The following JPH4 variants were observed in gnomAD, a reference collection of about 807,000 sequenced individuals.
JPH4 encodes the protein junctophilin-4.
Under a neutral mutation model 57.6 loss-of-function variants are expected in JPH4, and 18 were observed. The observed-to-expected ratio is 0.31, with a 90% CI of 0.22 to 0.46. The LOEUF (loss-of-function observed/expected upper bound fraction) is 0.46, where lower values mean the gene tolerates loss of function less well. JPH4 is among the 20% of genes least tolerant of loss of function. The probability of loss-of-function intolerance (pLI) is 1.00; values close to 1 mark genes in which losing one functional copy is unlikely to be tolerated. For missense variants in JPH4, 727 were observed against 911.1 expected (o/e 0.80, Z 2.60); for synonymous variants, 425 against 406.6 (o/e 1.05, Z -0.54).
chr14:23,571,728 C>T lies in JPH4; in HGVS notation c.1270+74G>A. The T allele has an allele frequency of 7.3e-7, 1 of 1,370,892 alleles. No individual in the cohort carries two copies. Among genetic ancestry groups the T allele is most frequent in the Non-Finnish European group, 1.0e-6 (1 of 977,384 alleles). 84.9% of individuals were successfully genotyped at this position (1,370,892 alleles called of 1,614,324 possible). On this transcript the variant is annotated intron_variant, in intron 4 of 5. Coordinates refer to ENST00000356300, the MANE Select transcript of JPH4 (RefSeq NM_001146028.2). The surrounding 1 kb of genome is among the most constrained non-coding windows in gnomAD (Gnocchi z 4.6). ...CCACTTCCCTTGCAGGGCTTCTCAT[C>T]TGTTTCCCCACACCTGAGCCTCTCT...
rs1290584337 is a variant in JPH4, at chr14:23,571,608, C to T, written c.1271-148G>A. The T allele has an allele frequency of 1.8e-6, 2 of 1,105,094 alleles. No homozygotes were observed. The highest frequency in any genetic ancestry group is 1.6e-5 in the African/African-American group (1 of 64,030). 68.5% of individuals were successfully genotyped at this position (1,105,094 alleles called of 1,614,324 possible). A position where few individuals can be genotyped will look rare whatever the true frequency, so the allele number is the denominator to read the frequency against. ...GCCAGACCCCAAACCCCCCATTATC[C>T]TACTGCATACATTCCCAAGTCCCAC... On this transcript the variant is annotated intron_variant, in intron 4 of 5. Transcript: ENST00000356300. The surrounding 1 kb of genome is among the most constrained non-coding windows in gnomAD (Gnocchi z 4.6).
In JPH4 at chr14:23,569,592, A is replaced by G. The variant is rs1169845620; in HGVS notation, c.*42T>C. The stretch of plus-strand genomic sequence containing the variant: ...GAAAAAAGGCAGGTCAAAGGGGTGA[A>G]GAGGCACGCAACCAAAGCCAGAACC... On this transcript the variant is annotated 3_prime_UTR_variant, in exon 6 of 6. Coordinates refer to ENST00000356300, the MANE Select transcript of JPH4 (RefSeq NM_001146028.2). The surrounding 1 kb of genome is among the most constrained non-coding windows in gnomAD (Gnocchi z 4.8). The G allele has an allele frequency of 1.4e-6, 2 of 1,384,538 alleles. No homozygotes were observed. Among genetic ancestry groups the G allele is most frequent in the East Asian group, 2.5e-5 (1 of 40,130 alleles). 85.8% of individuals were successfully genotyped at this position (1,384,538 alleles called of 1,614,324 possible). A position where few individuals can be genotyped will look rare whatever the true frequency, so the allele number is the denominator to read the frequency against.
Position 23,568,497 on chromosome 14 carries a change from G to A in JPH4, c.*1137C>T. 1.0e-6 allele frequency: 1 copy of A among 985,796 alleles called. No homozygotes were observed. 61.1% of individuals were successfully genotyped at this position (985,796 alleles called of 1,614,324 possible). A position where few individuals can be genotyped will look rare whatever the true frequency, so the allele number is the denominator to read the frequency against. ...TCTGCCCTGCCTGGGAAGCATGTGAGATCAGCTATCTTTGATCCCCTCCTT... is the reference window on the plus strand; with the variant it reads ...TCTGCCCTGCCTGGGAAGCATGTGAAATCAGCTATCTTTGATCCCCTCCTT... On this transcript the variant is annotated 3_prime_UTR_variant, in exon 6 of 6. Transcript: ENST00000356300.
At chr14:23,572,388 T>C (rs1160787493) in intron 3 of JPH4, among the ~76,000 whole-genome samples, 2 of 151,766 alleles carry the variant, frequency 1.3e-5, no homozygotes, top group Admixed American at 6.6e-5. Context: ...CTCACCCCCC[T>C]GGAGTCACAG....
At position 23,568,500 on chromosome 14, in the gene JPH4, C is replaced by T. The variant is rs1382866252; in HGVS notation, c.*1134G>A. 2.2e-5 allele frequency: 22 copies of T among 985,682 alleles called. No homozygotes were observed. The highest frequency in any genetic ancestry group is 6.1e-5 in the Admixed American group (1 of 16,282). The allele number at this position is 985,682 out of a possible 1,614,324, so 61.1% of individuals were successfully genotyped here. ...GCCCTGCCTGGGAAGCATGTGAGAT[C>T]AGCTATCTTTGATCCCCTCCTTCTG... is the stretch of plus-strand genomic sequence containing the variant. On this transcript the variant is annotated 3_prime_UTR_variant, in exon 6 of 6. Transcript: ENST00000356300.
Position 23,575,796 on chromosome 14 carries a change from A to T in JPH4, c.1040T>A (p.Leu347Gln). The T allele has an allele frequency of 6.3e-7, 1 of 1,592,088 alleles. No homozygotes were observed. The highest frequency in any genetic ancestry group is 8.5e-7 in the Non-Finnish European group (1 of 1,171,172). Residue 347 changes from leucine (L) to glutamine (Q), a missense_variant, in exon 3 of 6, where the codon CTG (leucine) becomes CAG (glutamine). By Grantham distance (113) the Leu-to-Gln change is moderately radical. Around this residue, in one of 7 missense-constraint regions of JPH4, gnomAD observed 112 missense variants for 199.4 expected, o/e 0.56. Coordinates refer to ENST00000356300, the MANE Select transcript of JPH4 (RefSeq NM_001146028.2). This position sits in a 1 kb window ranked among gnomAD's most constrained non-coding sequence, Gnocchi z 6.9. ...LVHGGRVRSLLPLALRRGKVK... is the reference protein window; with the variant it reads ...LVHGGRVRSLQPLALRRGKVK... Reference sequence around the variant, plus strand: ...CTTGCCCCGCCGAAGGGCCAGAGGCAGGAGACTGCGGACGCGCCCGCCGTG... The same window carrying T: ...CTTGCCCCGCCGAAGGGCCAGAGGCTGGAGACTGCGGACGCGCCCGCCGTG...
At chr14:23,570,899 G>C (rs1889117090) in intron 5 of JPH4, 29 bp downstream of exon 5, 3 of 1,488,020 alleles carry the variant, frequency 2.0e-6, no homozygotes, top group Non-Finnish European at 2.7e-6. Flanking sequence ...TGGGAGAAGA[G>C]GGCACACAGC....
chr14:23,568,060 A>T lies in JPH4; in HGVS notation c.*1574T>A. 1.0e-6 allele frequency: 1 copy of T among 983,324 alleles called. No individual in the cohort carries two copies. Among genetic ancestry groups the T allele is most frequent in the East Asian group, 1.1e-4 (1 of 8,812 alleles). 60.9% of individuals were successfully genotyped at this position (983,324 alleles called of 1,614,324 possible). ...CCCTTTTTTGAACTTTTTTATTAATATATTTTTTTTGTTAAATTTCTTTGT... is the reference window on the plus strand; with the variant it reads ...CCCTTTTTTGAACTTTTTTATTAATTTATTTTTTTTGTTAAATTTCTTTGT... On this transcript the variant is annotated 3_prime_UTR_variant, in exon 6 of 6. Coordinates refer to ENST00000356300, the MANE Select transcript of JPH4 (RefSeq NM_001146028.2).
In JPH4 at chr14:23,576,494, G is replaced by T. The variant is rs780605157; in HGVS notation, c.380-38C>A. 2 of 1,365,350 alleles carry T rather than the reference G, an allele frequency of 1.5e-6. No homozygotes were observed. Among genetic ancestry groups the T allele is most frequent in the Non-Finnish European group, 1.9e-6 (2 of 1,063,816 alleles). The allele number at this position is 1,365,350 out of a possible 1,614,324, so 84.6% of individuals were successfully genotyped here. A position where few individuals can be genotyped will look rare whatever the true frequency, so the allele number is the denominator to read the frequency against. On this transcript the variant is annotated intron_variant, in intron 2 of 5. Coordinates refer to ENST00000356300, the MANE Select transcript of JPH4 (RefSeq NM_001146028.2). The surrounding 1 kb of genome is among the most constrained non-coding windows in gnomAD (Gnocchi z 8.0). ...GAGGGGTGGGAGAAAGAGTCAGGAC[G>T]TGCCGCTGGGCTCCTTGCGCCCCAA...
chr14:23,573,968 ACG>A (rs1491403971), intron 3 of JPH4, among the ~76,000 whole-genome samples: 55 of 151,070 alleles, frequency 3.6e-4, no homozygotes, highest in African/African-American at 1.3e-3. Context: ...ACACACACAC[ACG>A]CACTCTCACT....
intron 3 of JPH4, among the ~76,000 whole-genome samples, chr14:23,572,423 G>C (rs573861610): frequency 1.3e-5 from 2 of 151,854 alleles, no homozygotes; most frequent in South Asian, 4.2e-4. Flanking sequence ...TCTAGCACAG[G>C]GTCCTGTACC....
chr14:23,572,275 G>T (rs138384072), intron 3 of JPH4, among the ~76,000 whole-genome samples: 1 of 151,862 alleles, frequency 6.6e-6, no homozygotes, highest in Non-Finnish European at 1.5e-5. Context: ...AGTGACAGTC[G>T]AGACCTCACT....
At position 23,571,782 on chromosome 14, in the gene JPH4, C is replaced by G. The variant is rs752238826; in HGVS notation, c.1270+20G>C. The stretch of plus-strand genomic sequence containing the variant: ...TCCCTAGGGGCCTCACTGCCCTCCC[C>G]CCAGCTGTCCATGCCTCACCTGGGG... On this transcript the variant is annotated intron_variant, in intron 4 of 5. Coordinates refer to ENST00000356300, the MANE Select transcript of JPH4 (RefSeq NM_001146028.2). This position sits in a 1 kb window ranked among gnomAD's most constrained non-coding sequence, Gnocchi z 4.6. 11 of 1,605,524 alleles carry G rather than the reference C, an allele frequency of 6.9e-6. No homozygotes were observed. Among genetic ancestry groups the G allele is most frequent in the South Asian group, 1.1e-5 (1 of 90,980 alleles).
chr14:23,576,477 G>T lies in JPH4; in HGVS notation c.380-21C>A. The T allele has an allele frequency of 1.4e-6, 2 of 1,393,128 alleles. No homozygotes were observed. Among genetic ancestry groups the T allele is most frequent in the Non-Finnish European group, 1.8e-6 (2 of 1,082,922 alleles). 86.3% of individuals were successfully genotyped at this position (1,393,128 alleles called of 1,614,324 possible). A position where few individuals can be genotyped will look rare whatever the true frequency, so the allele number is the denominator to read the frequency against. On this transcript the variant is annotated intron_variant, in intron 2 of 5. Transcript: ENST00000356300. This position sits in a 1 kb window ranked among gnomAD's most constrained non-coding sequence, Gnocchi z 8.0. ...GGTGCCTGCGGGCGGCGGAGGGGTG[G>T]GAGAAAGAGTCAGGACGTGCCGCTG...
At position 23,576,137 on chromosome 14, in the gene JPH4, A is replaced by G; in HGVS notation, c.699T>C (p.Arg233=). The G allele has an allele frequency of 1.5e-6, 2 of 1,310,178 alleles. No individual in the cohort carries two copies. Among genetic ancestry groups the G allele is most frequent in the African/African-American group, 1.5e-5 (1 of 64,988 alleles). 81.2% of individuals were successfully genotyped at this position (1,310,178 alleles called of 1,614,324 possible). A position where few individuals can be genotyped will look rare whatever the true frequency, so the allele number is the denominator to read the frequency against. The part of the protein sequence containing the change: ...LLLSGLRAGG[R]RSSLGSKRGS... Reference sequence around the variant, plus strand: ...CTCGCTTGCTGCCCAGGGAGCTGCGACGTCCGCCCGCTCGGAGCCCGCTGA... The same window carrying G: ...CTCGCTTGCTGCCCAGGGAGCTGCGGCGTCCGCCCGCTCGGAGCCCGCTGA... Residue 233 remains arginine (R), a synonymous_variant, in exon 3 of 6, where the codon CGT becomes CGC. Transcript: ENST00000356300. The surrounding 1 kb of genome is among the most constrained non-coding windows in gnomAD (Gnocchi z 8.0).
At position 23,569,200 on chromosome 14, in the gene JPH4, C is replaced by A; in HGVS notation, c.*434G>T. ...GCCCGACATTCAATCACTCCTTCTT[C>A]ATTTTCTTCCTCCTCTCCATTCAGC... On this transcript the variant is annotated 3_prime_UTR_variant, in exon 6 of 6. Coordinates refer to ENST00000356300, the MANE Select transcript of JPH4 (RefSeq NM_001146028.2). This position sits in a 1 kb window ranked among gnomAD's most constrained non-coding sequence, Gnocchi z 4.8. The A allele has an allele frequency of 4.8e-6, 1 of 207,532 alleles. No homozygotes were observed. The allele number at this position is 207,532 out of a possible 1,614,324, so 12.9% of individuals were successfully genotyped here.
In JPH4 at chr14:23,576,948, C is replaced by T. The variant is rs950104191; in HGVS notation, c.379+127G>A. 7 of 1,157,662 alleles carry T rather than the reference C, an allele frequency of 6.0e-6. No homozygotes were observed. The African/African-American group carries it at 1.2e-4, about 19-fold the overall frequency. The allele number at this position is 1,157,662 out of a possible 1,614,324, so 71.7% of individuals were successfully genotyped here. On this transcript the variant is annotated intron_variant, in intron 2 of 5. Coordinates refer to ENST00000356300, the MANE Select transcript of JPH4 (RefSeq NM_001146028.2). This position sits in a 1 kb window ranked among gnomAD's most constrained non-coding sequence, Gnocchi z 8.0. Reference sequence around the variant, plus strand: ...AGCAGAAATTGGGGGCTGGGGGTCACATCGATGGGGAATGGTGGCGGGGGA... The same window carrying T: ...AGCAGAAATTGGGGGCTGGGGGTCATATCGATGGGGAATGGTGGCGGGGGA...
rs199929052 is a variant in JPH4 at position 23,571,234 on chromosome 14, C to A, written c.1497G>T (p.Trp499Cys). The A allele has an allele frequency of 1.6e-5, 25 of 1,611,768 alleles. No homozygotes were observed. Among genetic ancestry groups the A allele is most frequent in the Non-Finnish European group, 1.9e-5 (22 of 1,178,878 alleles). Residue 499 changes from tryptophan to cysteine, a missense_variant, in exon 5 of 6, where the codon TGG (tryptophan) becomes TGT (cysteine). Physicochemically the swap from Trp to Cys is radical, Grantham distance 215. Coordinates refer to ENST00000356300, the MANE Select transcript of JPH4 (RefSeq NM_001146028.2). The surrounding 1 kb of genome is among the most constrained non-coding windows in gnomAD (Gnocchi z 4.6). ...FSSPKAWPEE[W>C]GGAGAQAEEL... is the part of the protein sequence containing the mutation. ...CCTCTGCCTGTGCGCCTGCCCCCCC[C>A]CACTCCTCAGGCCAAGCTTTGGGGC...
rs1889002921 is a variant in JPH4 at position 23,569,345 on chromosome 14, CA to C, written c.*288del. ...GATTTGTGTGTCTCAGAGAAGACAG[CA>C]ACTCTGAGAGAGAAAAGCCCTTCAT... On this transcript the variant is annotated 3_prime_UTR_variant, in exon 6 of 6. Coordinates refer to ENST00000356300, the MANE Select transcript of JPH4 (RefSeq NM_001146028.2). This position sits in a 1 kb window ranked among gnomAD's most constrained non-coding sequence, Gnocchi z 4.8. 5.0e-6 allele frequency: 2 copies of C among 398,860 alleles called. No homozygotes were observed. Among genetic ancestry groups the C allele is most frequent in the Non-Finnish European group, 9.4e-6 (2 of 213,852 alleles). The allele number at this position is 398,860 out of a possible 1,614,324, so 24.7% of individuals were successfully genotyped here. A position where few individuals can be genotyped will look rare whatever the true frequency, so the allele number is the denominator to read the frequency against.
Sources: gnomAD v4.1 joint callset for allele counts (sites outside exome capture counted in the v4.1 genomes callset) on GRCh38, gnomAD v4.1.1 for gene constraint, gnomAD v4.1.1 regional missense constraint, Gnocchi (gnomAD v3.1) non-coding constraint, MANE v1.5 for transcripts, NCBI Gene and HGNC (gene_info 2026-07-23, HGNC 2026-07-21) for gene names.